The following CDADC1 variants were observed in gnomAD, a reference collection of about 807,000 sequenced individuals.
CDADC1 encodes dCTP deaminase.
CDADC1 carries 39 observed loss-of-function variants against 54.9 expected under a neutral mutation model. That is an observed-to-expected ratio of 0.71 (90% CI 0.55 to 0.93). The LOEUF (loss-of-function observed/expected upper bound fraction) is 0.93, where lower values mean the gene tolerates loss of function less well. Among genes scored for constraint, CDADC1 ranks in the 40% least tolerant of loss-of-function variants. The pLI is 0.00. For missense variants in CDADC1, 518 were observed against 618.8 expected (o/e 0.84, Z 1.73); for synonymous variants, 186 against 204.0 (o/e 0.91, Z 0.75).
rs564899108 is a variant in CDADC1, at chr13:49,250,753, C to T, written c.177+1788C>T. ...AATTTTAACAGGATGTGAGGATATT[C>T]GCTTCTCATAATAAAATGATATCTC... On this transcript the variant is annotated intron_variant, in intron 2 of 9. Coordinates refer to ENST00000251108, the MANE Select transcript of CDADC1 (RefSeq NM_030911.4). 1.1e-4 allele frequency among the ~76,000 whole-genome samples: 17 copies of T among 152,268 alleles called. No individual in the cohort carries two copies. The South Asian group carries it at 1.5e-3, about 13-fold the overall frequency.
intron 8 of CDADC1, among the ~76,000 whole-genome samples, chr13:49,281,962 C>T (rs1268511992): frequency 8.5e-5 from 11 of 129,418 alleles, no homozygotes; most frequent in Admixed American, 6.9e-4. Flanking sequence ...TACAGGCGCA[C>T]GCCACCATGC....
At chr13:49,249,004 G>T (rs1952360497) in intron 2 of CDADC1, 39 bp downstream of exon 2, 3 of 1,350,066 alleles carry the variant, frequency 2.2e-6, no homozygotes, top group Non-Finnish European at 3.2e-6. Flanking sequence ...TAGAAAAGCA[G>T]TGGTTTAAAA....
intron 7 of CDADC1, 129 bp from the exon 8 acceptor site, chr13:49,280,380 A>C (rs1953285873): frequency 4.7e-6 from 2 of 429,928 alleles, no homozygotes; most frequent in Non-Finnish European, 8.0e-6. Context: ...CTAAGGCTTG[A>C]TGATCATTAT....
chr13:49,288,686 G>A (rs1953596984), intron 9 of CDADC1, among the ~76,000 whole-genome samples: 1 of 151,946 alleles, frequency 6.6e-6, no homozygotes, highest in African/African-American at 2.4e-5. Context: ...CTAACTCAGA[G>A]GGGGACTTGC....
chr13:49,254,549 C>T (rs755670071), intron 2 of CDADC1, among the ~76,000 whole-genome samples: 3 of 152,002 alleles, frequency 2.0e-5, no homozygotes, highest in South Asian at 4.2e-4. Context: ...ACTACAGGTG[C>T]GCACCACCAT....
At chr13:49,264,746 T>C (rs931345552) in intron 4 of CDADC1, among the ~76,000 whole-genome samples, 2 of 151,660 alleles carry the variant, frequency 1.3e-5, no homozygotes, top group African/African-American at 4.8e-5. Context: ...GGTATAGTGA[T>C]ACACTATTAA....
chr13:49,270,641 G>A (rs150228703), intron 5 of CDADC1, among the ~76,000 whole-genome samples: 2 of 152,334 alleles, frequency 1.3e-5, no homozygotes, highest in African/African-American at 4.8e-5. Context: ...TTTGCACTAA[G>A]AATAATTGAG....
intron 8 of CDADC1, among the ~76,000 whole-genome samples, chr13:49,281,968 C>T (rs1278287410): frequency 3.6e-5 from 5 of 140,550 alleles, no homozygotes; most frequent in Admixed American, 7.3e-5. Context: ...CGCACGCCAC[C>T]ATGCCCAGCT....
chr13:49,290,422 G>T (rs574304013), intron 9 of CDADC1, among the ~76,000 whole-genome samples: 16 of 151,904 alleles, frequency 1.1e-4, no homozygotes, highest in South Asian at 2.1e-4. Context: ...TATATATAGA[G>T]AGAGAGAATG....
intron 4 of CDADC1, among the ~76,000 whole-genome samples, chr13:49,260,253 A>G (rs1336734741): frequency 6.6e-6 from 1 of 152,214 alleles, no homozygotes; most frequent in Non-Finnish European, 1.5e-5. Context: ...TGCTATAACA[A>G]AACAAAATTT....
intron 2 of CDADC1, 109 bp from the exon 3 acceptor site, chr13:49,255,728 GAA>G: frequency 7.8e-7 from 1 of 1,281,728 alleles, no homozygotes; most frequent in Non-Finnish European, 1.1e-6. Flanking sequence ...TTTCATCATG[GAA>G]AAAAAAATGG....
chr13:49,274,965 A>T (rs375717588), intron 6 of CDADC1, among the ~76,000 whole-genome samples: 1 of 152,190 alleles, frequency 6.6e-6, no homozygotes, highest in East Asian at 1.9e-4. Flanking sequence ...AAAATAAGTA[A>T]ATACTGTTGG....
chr13:49,287,466 G>GTATCTATC (rs55902616), intron 9 of CDADC1, among the ~76,000 whole-genome samples: 1,826 of 146,078 alleles, frequency 0.013, 33 homozygotes, highest in African/African-American at 0.038. Context: ...AAAAAAGGCT[G>GTATCTATC]TATCTATCTA....
In CDADC1 at chr13:49,248,026, G is replaced by A. The variant is rs1441426599; in HGVS notation, c.-12G>A. Reference sequence around the variant, plus strand: ...AGAGGTTTCCTTGGCAGCAGAGGACGCTAGGTTTGGGATGAAAGAAGCTGG... The same window carrying A: ...AGAGGTTTCCTTGGCAGCAGAGGACACTAGGTTTGGGATGAAAGAAGCTGG... On this transcript the variant is annotated 5_prime_UTR_variant, in exon 1 of 10. Coordinates refer to ENST00000251108, the MANE Select transcript of CDADC1 (RefSeq NM_030911.4). 8 of 1,551,772 alleles carry A rather than the reference G, an allele frequency of 5.2e-6. No homozygotes were observed. The highest frequency in any genetic ancestry group is 4.1e-5 in the African/African-American group (3 of 73,060).
chr13:49,267,344 C>T, intron 4 of CDADC1, 146 bp from the exon 5 acceptor site: 1 of 704,474 alleles, frequency 1.4e-6, no homozygotes, highest in Non-Finnish European at 2.3e-6. Context: ...GTTTGCCAAC[C>T]CTCAGGCTAT....
chr13:49,265,127 A>G (rs1334894201), intron 4 of CDADC1, among the ~76,000 whole-genome samples: 4 of 152,264 alleles, frequency 2.6e-5, no homozygotes, highest in Admixed American at 2.6e-4. Context: ...TATCAAAGAA[A>G]CACTCAGCTT....
chr13:49,257,439 A>G (rs940521716), intron 3 of CDADC1, among the ~76,000 whole-genome samples: 5 of 152,206 alleles, frequency 3.3e-5, no homozygotes, highest in Non-Finnish European at 5.9e-5. Context: ...GAGCTCTGTC[A>G]AGATCTTTTG....
chr13:49,270,140 C>T (rs1182496315), intron 5 of CDADC1, among the ~76,000 whole-genome samples: 2 of 152,182 alleles, frequency 1.3e-5, no homozygotes, highest in Admixed American at 1.3e-4. Context: ...TAAAACAAAT[C>T]TTTTTATCCA....
In CDADC1 at chr13:49,292,807, T is replaced by A; in HGVS notation, c.*1050T>A. ...GAGAGGGGTGGCCTGGGGTGCTTCA[T>A]GAGAAATGTCTTCCTGGATCTGCGG... On this transcript the variant is annotated 3_prime_UTR_variant, in exon 10 of 10. Transcript: ENST00000251108. 1 of 1,280,778 alleles carries A rather than the reference T, an allele frequency of 7.8e-7. No homozygotes were observed. Among genetic ancestry groups the A allele is most frequent in the Non-Finnish European group, 1.0e-6 (1 of 984,780 alleles). The allele number at this position is 1,280,778 out of a possible 1,614,324, so 79.3% of individuals were successfully genotyped here. A position where few individuals can be genotyped will look rare whatever the true frequency, so the allele number is the denominator to read the frequency against.
Sources: gnomAD v4.1 joint callset for allele counts (sites outside exome capture counted in the v4.1 genomes callset) on GRCh38, gnomAD v4.1.1 for gene constraint, MANE v1.5 for transcripts, NCBI Gene and HGNC (gene_info 2026-07-23, HGNC 2026-07-21) for gene names.